HRH2: variants seen among roughly 807,000 people sequenced by gnomAD.
HRH2 encodes the protein histamine receptor H2, also known as histamine H2 receptor.
A neutral mutation model predicts 20.1 loss-of-function variants in HRH2; 4 were observed. The observed-to-expected ratio is 0.20, with a 90% confidence interval of 0.10 to 0.45. HRH2 has a LOEUF of 0.45. Ranked by LOEUF, HRH2 falls within the 20% of genes least tolerant of loss-of-function variation. The probability of loss-of-function intolerance (pLI) is 0.99; values close to 1 mark genes in which losing one functional copy is unlikely to be tolerated. For missense variants in HRH2, 250 were observed against 461.6 expected, an observed-to-expected ratio of 0.54 and a Z score of 4.20; for synonymous variants, 197 against 200.7, an observed-to-expected ratio of 0.98 and a Z score of 0.16.
rs1045722346 is a variant in HRH2, at chr5:175,686,959, G to A, written c.1076+2650G>A. Among the ~76,000 whole-genome samples, 2 of 152,206 alleles carry A rather than the reference G, an allele frequency of 1.3e-5. No individual in the cohort carries two copies. Among genetic ancestry groups the A allele is most frequent in the East Asian group, 3.9e-4 (2 of 5,186 alleles). ...GTGTCCATCTCCTGCTCTGATCCTCGTGGGCACCCTGGGTGGGAGGCTGTG... is the reference window on the plus strand; with the variant it reads ...GTGTCCATCTCCTGCTCTGATCCTCATGGGCACCCTGGGTGGGAGGCTGTG... On this transcript the variant is annotated intron_variant, in intron 2 of 2. Coordinates refer to ENST00000636584, the MANE Select transcript of HRH2 (RefSeq NM_001367711.1). This position sits in a 1 kb window ranked among gnomAD's most constrained non-coding sequence, Gnocchi z 4.7.
chr5:175,707,550 G>A (rs1012376213), intron 2 of HRH2, among the ~76,000 whole-genome samples: 1 of 152,242 alleles, frequency 6.6e-6, no homozygotes, highest in African/African-American at 2.4e-5. Context: ...AACAGAGTTA[G>A]GATTTCAAAG....
chr5:175,671,070 G>A (rs1490142916), intron 1 of HRH2, among the ~76,000 whole-genome samples: 1 of 152,240 alleles, frequency 6.6e-6, no homozygotes, highest in Non-Finnish European at 1.5e-5. Flanking sequence ...ATAACCAGAC[G>A]TCTAATGTCT....
At chr5:175,674,828 C>T (rs982907616) in intron 1 of HRH2, among the ~76,000 whole-genome samples, 1 of 152,240 alleles carries the variant, frequency 6.6e-6, no homozygotes, top group African/African-American at 2.4e-5. Context: ...GAAGTCTTTT[C>T]CTGCCTATGG....
At chr5:175,660,999 T>C (rs918647495) in intron 1 of HRH2, among the ~76,000 whole-genome samples, 1 of 152,222 alleles carries the variant, frequency 6.6e-6, no homozygotes, top group African/African-American at 2.4e-5. Flanking sequence ...GTTTAGTCTC[T>C]GGCCAGCCTT....
At chr5:175,706,880 G>A (rs1169896877) in intron 2 of HRH2, among the ~76,000 whole-genome samples, 1 of 152,234 alleles carries the variant, frequency 6.6e-6, no homozygotes, top group African/African-American at 2.4e-5. Context: ...CTCTCTCTAT[G>A]TGGAAGGGGG....
intron 1 of HRH2, among the ~76,000 whole-genome samples, chr5:175,659,436 T>C (rs998894395): frequency 1.3e-5 from 2 of 152,094 alleles, no homozygotes; most frequent in African/African-American, 4.8e-5. Flanking sequence ...GAGAATTCAA[T>C]ATCATGAGAA....
chr5:175,702,718 A>ATTT (rs778509797), intron 2 of HRH2, among the ~76,000 whole-genome samples: 46 of 139,780 alleles, frequency 3.3e-4, no homozygotes, highest in African/African-American at 1.2e-3. Context: ...CGCCTGGCTA[A>ATTT]TTTTTTCTTT....
At chr5:175,674,593 C>A (rs902920905) in intron 1 of HRH2, among the ~76,000 whole-genome samples, 1 of 152,144 alleles carries the variant, frequency 6.6e-6, no homozygotes, top group South Asian at 2.1e-4. Flanking sequence ...AGTTACAGAA[C>A]CTGCCCCCAA....
rs376720242 is a variant in HRH2 at position 175,663,603 on chromosome 5, C to T, written c.-526+5448C>T. Among the ~76,000 whole-genome samples the T allele has an allele frequency of 6.6e-5, 10 of 152,320 alleles. No homozygotes were observed. The East Asian group carries it at 9.7e-4, about 15-fold the overall frequency. ...TGCACTGTCTGCATTTCTCCTCACTCGGCTCTAGCCAAAGCCTCAAAAGGG... is the reference window on the plus strand; with the variant it reads ...TGCACTGTCTGCATTTCTCCTCACTTGGCTCTAGCCAAAGCCTCAAAAGGG... On this transcript the variant is annotated intron_variant, in intron 1 of 2. Transcript: ENST00000636584.
intron 1 of HRH2, among the ~76,000 whole-genome samples, chr5:175,680,047 A>G (rs1368273121): frequency 6.6e-6 from 1 of 152,190 alleles, no homozygotes; most frequent in East Asian, 1.9e-4. Flanking sequence ...TTTGTTTACT[A>G]TGCATGGTAT....
intron 2 of HRH2, among the ~76,000 whole-genome samples, chr5:175,698,801 A>T (rs28690627): frequency 6.6e-6 from 1 of 152,178 alleles, no homozygotes; most frequent in African/African-American, 2.4e-5. Flanking sequence ...GTGACTGACA[A>T]CTGTTGATCT....
intron 2 of HRH2, among the ~76,000 whole-genome samples, chr5:175,691,007 G>C (rs945182839): frequency 6.6e-5 from 10 of 152,010 alleles, no homozygotes; most frequent in Non-Finnish European, 1.2e-4. Flanking sequence ...TTCCATCCAA[G>C]GGCCCATTTT....
chr5:175,694,445 T>A (rs968499777), intron 2 of HRH2, among the ~76,000 whole-genome samples: 11 of 152,106 alleles, frequency 7.2e-5, no homozygotes, highest in Non-Finnish European at 1.2e-4. Context: ...GTGGACATAG[T>A]CGGCCGGCTC....
intron 1 of HRH2, among the ~76,000 whole-genome samples, chr5:175,672,155 C>T (rs1755568199): frequency 2.0e-5 from 3 of 152,220 alleles, no homozygotes; most frequent in Admixed American, 2.0e-4. Context: ...GGATATGAAA[C>T]TTGCTTGAGG....
chr5:175,678,812 G>A (rs1755853043), intron 1 of HRH2, among the ~76,000 whole-genome samples: 1 of 152,190 alleles, frequency 6.6e-6, no homozygotes, highest in Non-Finnish European at 1.5e-5. Flanking sequence ...CAATTGCCAG[G>A]CTCCCACAGG....
At chr5:175,663,062 A>G (rs973780341) in intron 1 of HRH2, among the ~76,000 whole-genome samples, 10 of 152,314 alleles carry the variant, frequency 6.6e-5, no homozygotes, top group South Asian at 6.2e-4. Flanking sequence ...TTCTTCATTC[A>G]TCAGTTGATG....
In HRH2 at chr5:175,683,091, CAAAAAAA is replaced by C. The variant is rs35616765; in HGVS notation, c.-128_-122del. 193 of 583,806 alleles carry C rather than the reference CAAAAAAA, an allele frequency of 3.3e-4. 1 individual carries two copies. Among genetic ancestry groups the C allele is most frequent in the Admixed American group, 1.6e-4 (4 of 25,016 alleles). 36.2% of individuals were successfully genotyped at this position (583,806 alleles called of 1,614,324 possible). A position where few individuals can be genotyped will look rare whatever the true frequency, so the allele number is the denominator to read the frequency against. ...ATTGAAGCCTTCCCCACCCCCTGGCCAAAAAAAAAAAAAAAAAAAAACTGGACACATT... is the reference window on the plus strand; with the variant it reads ...ATTGAAGCCTTCCCCACCCCCTGGCCAAAAAAAAAAAAAACTGGACACATT... On this transcript the variant is annotated 5_prime_UTR_variant, in exon 2 of 3. Transcript: ENST00000636584.
chr5:175,669,450 G>A (rs897673614), intron 1 of HRH2, among the ~76,000 whole-genome samples: 10 of 148,442 alleles, frequency 6.7e-5, no homozygotes, highest in African/African-American at 2.2e-4. Flanking sequence ...TGCAACCTCC[G>A]CCTGCCAGGT....
intron 2 of HRH2, among the ~76,000 whole-genome samples, chr5:175,700,898 A>G (rs1756770832): frequency 6.6e-6 from 1 of 152,210 alleles, no homozygotes; most frequent in Non-Finnish European, 1.5e-5. Flanking sequence ...AAAAAAAAGA[A>G]AAGAAAAGAA....
Sources: allele counts gnomAD v4.1 joint callset (sites outside exome capture counted in the v4.1 genomes callset), GRCh38; gene constraint gnomAD v4.1.1; non-coding constraint Gnocchi (gnomAD v3.1); transcripts MANE v1.5; gene names NCBI Gene and HGNC (gene_info 2026-07-23, HGNC 2026-07-21).